The following TRA2A variants were observed in gnomAD, a reference collection of about 807,000 sequenced individuals.
TRA2A encodes transformer-2 protein homolog alpha.
In TRA2A, 31 loss-of-function variants were observed where a neutral mutation model predicts 45.7. That is an observed-to-expected ratio of 0.68 (90% CI 0.51 to 0.92). The LOEUF (loss-of-function observed/expected upper bound fraction) is 0.92. TRA2A is among the 40% of genes least tolerant of loss of function. The probability of loss-of-function intolerance (pLI) is 0.00; values close to 1 mark genes in which losing one functional copy is unlikely to be tolerated. For synonymous variants in TRA2A, 132 were observed against 126.2 expected, an observed-to-expected ratio of 1.05 and a Z score of -0.31; for missense variants, 304 against 367.5, an observed-to-expected ratio of 0.83 and a Z score of 1.41.
chr7:23,506,465 T>TCA (rs1789344231), intron 5 of TRA2A, 199 bp from the exon 6 acceptor site: 2 of 510,708 alleles, frequency 3.9e-6, no homozygotes, highest in African/African-American at 3.8e-5. Context: ...AAGAAGGGCT[T>TCA]CACAAAACTC....
chr7:23,519,779 C>T (rs1433866909), intron 2 of TRA2A, among the ~76,000 whole-genome samples: 2 of 152,104 alleles, frequency 1.3e-5, no homozygotes, highest in African/African-American at 4.8e-5. Context: ...TTATGAAACA[C>T]AATAGGTGAA....
At chr7:23,514,784 AT>A (rs1789783519) in intron 3 of TRA2A, among the ~76,000 whole-genome samples, 1 of 152,160 alleles carries the variant, frequency 6.6e-6, no homozygotes, top group East Asian at 1.9e-4. Flanking sequence ...TAGCGAGGAT[AT>A]TCTTTCAGTG....
At chr7:23,510,591 G>A (rs1451322270) in intron 4 of TRA2A, among the ~76,000 whole-genome samples, 6 of 152,130 alleles carry the variant, frequency 3.9e-5, no homozygotes, top group Non-Finnish European at 8.8e-5. Context: ...GCCTCCCGAA[G>A]TGCTGGGATT....
rs1304196647 is a variant in TRA2A, at chr7:23,521,700, C to T, written c.170+7G>A. The T allele has an allele frequency of 3.7e-6, 6 of 1,613,972 alleles. No individual in the cohort carries two copies. Among genetic ancestry groups the T allele is most frequent in the East Asian group, 2.2e-5 (1 of 44,872 alleles). ...AATATTTTAAGTATTATCTTAAACA[C>T]ACTTACCTGGATTTTGATCTTGATC... is the stretch of plus-strand genomic sequence containing the variant. On this transcript the variant is annotated splice_region_variant and intron_variant, in intron 2 of 7. Transcript: ENST00000297071.
At chr7:23,505,887 ATCAT>A in intron 6 of TRA2A, 74 bp from the exon 7 acceptor site, 1 of 930,664 alleles carries the variant, frequency 1.1e-6, no homozygotes, top group South Asian at 2.0e-5. Context: ...AAAATTCCTC[ATCAT>A]TCAAAATAAT....
chr7:23,513,686 T>G (rs180858811), intron 3 of TRA2A, among the ~76,000 whole-genome samples: 2 of 152,070 alleles, frequency 1.3e-5, no homozygotes, highest in Non-Finnish European at 2.9e-5. Flanking sequence ...TTTTATTTTC[T>G]GTAGAAAGGG....
intron 4 of TRA2A, among the ~76,000 whole-genome samples, chr7:23,508,110 C>T (rs142104780): frequency 1.6e-4 from 25 of 152,082 alleles, no homozygotes; most frequent in Admixed American, 1.6e-3. Flanking sequence ...CAGTGAGCAG[C>T]CAAGAAGAAA....
chr7:23,519,024 A>C (rs969032937), intron 2 of TRA2A, among the ~76,000 whole-genome samples: 1 of 151,978 alleles, frequency 6.6e-6, no homozygotes, highest in Admixed American at 6.6e-5. Context: ...ATAACATTTC[A>C]CTTGTCTACT....
intron 1 of TRA2A, among the ~76,000 whole-genome samples, chr7:23,527,505 G>A (rs147889974): frequency 5.9e-5 from 9 of 152,270 alleles, no homozygotes; most frequent in Non-Finnish European, 1.2e-4. Flanking sequence ...TCTAATGGGT[G>A]AGCACCCACT....
At chr7:23,505,928 A>T in intron 6 of TRA2A, 115 bp from the exon 7 acceptor site, 1 of 726,734 alleles carries the variant, frequency 1.4e-6, no homozygotes, top group Non-Finnish European at 2.2e-6. Context: ...TAACTACTTA[A>T]TATTAAGTTC....
At chr7:23,528,476 G>C (rs1174169794) in intron 1 of TRA2A, among the ~76,000 whole-genome samples, 2 of 152,114 alleles carry the variant, frequency 1.3e-5, no homozygotes, top group East Asian at 3.8e-4. Flanking sequence ...AAAGCGCTGG[G>C]ATTACAGGCG....
At position 23,517,394 on chromosome 7, in the gene TRA2A, C is replaced by T. The variant is rs1027909298; in HGVS notation, c.171-866G>A. On this transcript the variant is annotated intron_variant, in intron 2 of 7. Transcript: ENST00000297071. ...CTTGGGAGGCTGAGGCAGGAAATGG[C>T]GCGAACCCAGAAGGCGGAGCTTGCA... Among the ~76,000 whole-genome samples the T allele has an allele frequency of 3.7e-4, 51 of 139,662 alleles. 1 individual carries two copies. The highest frequency in any genetic ancestry group is 9.2e-4 in the East Asian group (4 of 4,326). 91.6% of individuals were successfully genotyped at this position (139,662 alleles called of 152,430 possible).
At chr7:23,517,477 CAAAAAAAAAAAAAAAAAAAAAAA>C (rs70954385) in intron 2 of TRA2A, among the ~76,000 whole-genome samples, 2 of 13,940 alleles carry the variant, frequency 1.4e-4, no homozygotes, top group Non-Finnish European at 3.6e-4. Context: ...GACTACGTCT[CAAAAAAAAAAAAAAAAAAAAAAA>C]AAAAGAGAGA....
At chr7:23,524,124 C>A (rs1790245520) in intron 1 of TRA2A, among the ~76,000 whole-genome samples, 1 of 152,096 alleles carries the variant, frequency 6.6e-6, no homozygotes, top group South Asian at 2.1e-4. Flanking sequence ...AATTTTAAAT[C>A]CCAGTTTTGG....
chr7:23,507,001 G>A (rs898962516), intron 5 of TRA2A, among the ~76,000 whole-genome samples: 1 of 152,134 alleles, frequency 6.6e-6, no homozygotes, highest in Admixed American at 6.6e-5. Flanking sequence ...GTGATCTCGT[G>A]ATCCACCCGC....
At chr7:23,527,660 A>C (rs1790393544) in intron 1 of TRA2A, among the ~76,000 whole-genome samples, 2 of 152,230 alleles carry the variant, frequency 1.3e-5, no homozygotes, top group South Asian at 4.1e-4. Context: ...CCACAGACAA[A>C]GTGTTTTCCA....
chr7:23,519,720 T>C (rs1790048506), intron 2 of TRA2A, among the ~76,000 whole-genome samples: 1 of 152,226 alleles, frequency 6.6e-6, no homozygotes, highest in South Asian at 2.1e-4. Flanking sequence ...TGCACGATTT[T>C]ACAAAGTGAG....
intron 3 of TRA2A, among the ~76,000 whole-genome samples, 175 bp downstream of exon 3, chr7:23,516,188 A>G (rs1163716079): frequency 2.0e-5 from 3 of 152,166 alleles, no homozygotes; most frequent in Non-Finnish European, 4.4e-5. Flanking sequence ...AAAACATGGT[A>G]AGCTTACGAA....
chr7:23,522,312 A>G (rs1562798619), intron 1 of TRA2A: 2 of 1,179,972 alleles, frequency 1.7e-6, no homozygotes, highest in Non-Finnish European at 2.1e-6. Flanking sequence ...CTTCTGTTCA[A>G]TTTTTTCCCC....
Sources: allele counts gnomAD v4.1 joint callset (sites outside exome capture counted in the v4.1 genomes callset), GRCh38; gene constraint gnomAD v4.1.1; transcripts MANE v1.5; gene names NCBI Gene and HGNC (gene_info 2026-07-23, HGNC 2026-07-21).